SLC30A9: variants seen among roughly 807,000 people sequenced by gnomAD.
SLC30A9 encodes solute carrier family 30 member 9.
SLC30A9 carries 58 observed loss-of-function variants against 87.5 expected under a neutral mutation model. That is an observed-to-expected ratio of 0.66 (90% CI 0.54 to 0.82). The LOEUF is 0.82. Among genes scored for constraint, SLC30A9 ranks in the 40% least tolerant of loss-of-function variants. The pLI is 0.00. For missense variants in SLC30A9, 557 were observed against 679.1 expected (o/e 0.82, Z 2.00); for synonymous variants, 234 against 233.0 (o/e 1.00, Z -0.04).
At chr4:42,064,413 T>TTA (rs1437736940) in intron 11 of SLC30A9, among the ~76,000 whole-genome samples, 2 of 151,996 alleles carry the variant, frequency 1.3e-5, no homozygotes, top group African/African-American at 4.8e-5. Context: ...TAATATCCTG[T>TTA]TATATCATGC....
intron 1 of SLC30A9, among the ~76,000 whole-genome samples, chr4:41,998,891 G>C (rs191943487): frequency 6.6e-6 from 1 of 152,160 alleles, no homozygotes; most frequent in Non-Finnish European, 1.5e-5. Context: ...GTAAATGTAT[G>C]TGCCATTTTC....
At chr4:42,067,625 A>G (rs1336835129) in intron 14 of SLC30A9, among the ~76,000 whole-genome samples, 1 of 152,218 alleles carries the variant, frequency 6.6e-6, no homozygotes, top group Non-Finnish European at 1.5e-5. Context: ...GTTCAACTTG[A>G]TTTTGTTATA....
intron 6 of SLC30A9, among the ~76,000 whole-genome samples, chr4:42,034,617 C>T (rs11725865): frequency 0.65 from 99,286 of 152,038 alleles, 36,911 homozygotes; most frequent in East Asian, 0.96. Flanking sequence ...TTTTTCAAGG[C>T]TAAATAATAC....
chr4:42,014,382 AAAAG>A (rs904372218), intron 2 of SLC30A9, among the ~76,000 whole-genome samples: 2 of 152,138 alleles, frequency 1.3e-5, no homozygotes, highest in African/African-American at 4.8e-5. Context: ...GTATATTCCC[AAAAG>A]AAAGGAAAAC....
chr4:42,001,581 G>A (rs1468055438), intron 1 of SLC30A9, 35 bp from the exon 2 acceptor site: 2 of 1,420,352 alleles, frequency 1.4e-6, no homozygotes, highest in East Asian at 2.4e-5. Context: ...CTAGGACTTG[G>A]TTTGAAATTA....
intron 6 of SLC30A9, chr4:42,029,154 G>A (rs1024583080): frequency 3.9e-5 from 14 of 359,244 alleles, no homozygotes; most frequent in Admixed American, 2.0e-4. Flanking sequence ...ACACGAGGGC[G>A]TGCCCCGAAG....
chr4:42,068,237 A>G (rs909357394), intron 14 of SLC30A9, among the ~76,000 whole-genome samples: 13 of 139,158 alleles, frequency 9.3e-5, no homozygotes, highest in Non-Finnish European at 1.8e-4. Context: ...TGCCATAGGA[A>G]CTTAACTCTT....
intron 2 of SLC30A9, among the ~76,000 whole-genome samples, chr4:42,004,185 CTTTG>C (rs974960163): frequency 1.3e-5 from 2 of 152,034 alleles, no homozygotes; most frequent in African/African-American, 4.8e-5. Flanking sequence ...GATATTATGC[CTTTG>C]TTTGTATATT....
Position 41,990,662 on chromosome 4 carries a change from G to A in SLC30A9, c.11G>A (p.Gly4Asp). ...CTCTGCCCCACCAGGATGTTACCCG[G>A]CTTGGCCGCCGCCGCGGCCCACAGA... MLP[G>D]LAAAAAHRCS... The change falls in exon 1 of 18, where the codon GGC becomes GAC. Residue 4 changes from glycine (G) to aspartate (D), a missense_variant. Transcript: ENST00000264451. 2 of 1,606,604 alleles carry A rather than the reference G, an allele frequency of 1.2e-6. No individual in the cohort carries two copies. The highest frequency in any genetic ancestry group is 1.7e-6 in the Non-Finnish European group (2 of 1,175,478).
chr4:41,994,580 T>C (rs1374343082), intron 1 of SLC30A9, among the ~76,000 whole-genome samples: 1 of 151,874 alleles, frequency 6.6e-6, no homozygotes, highest in African/African-American at 2.4e-5. Context: ...TCTGCTAGTA[T>C]TTATTGTCAT....
chr4:42,039,809 C>A (rs1458170506), intron 8 of SLC30A9, among the ~76,000 whole-genome samples: 1 of 152,018 alleles, frequency 6.6e-6, no homozygotes, highest in Non-Finnish European at 1.5e-5. Flanking sequence ...TTGTTTTGTT[C>A]ACCTTTTGTC....
In SLC30A9 at chr4:42,086,228, G is replaced by GT; in HGVS notation, c.*102_*103insT. Reference sequence around the variant, plus strand: ...CCTACACTGAAAGACTCAGTGCCATGCAGAAGCCTTTTTTTTAAGATGAAG... The same window carrying GT: ...CCTACACTGAAAGACTCAGTGCCATGTCAGAAGCCTTTTTTTTAAGATGAAG... On this transcript the variant is annotated 3_prime_UTR_variant, in exon 18 of 18. Transcript: ENST00000264451. 1 of 607,810 alleles carries GT rather than the reference G, an allele frequency of 1.6e-6. No homozygotes were observed. The highest frequency in any genetic ancestry group is 2.8e-6 in the Non-Finnish European group (1 of 356,606). 37.7% of individuals were successfully genotyped at this position (607,810 alleles called of 1,614,324 possible).
intron 6 of SLC30A9, among the ~76,000 whole-genome samples, chr4:42,026,418 C>T (rs1716192550): frequency 1.3e-5 from 2 of 152,068 alleles, no homozygotes; most frequent in South Asian, 4.1e-4. Context: ...AAGTAGAGAT[C>T]GATGTACTAG....
At chr4:42,068,540 C>T (rs1034648291) in intron 14 of SLC30A9, among the ~76,000 whole-genome samples, 4 of 152,198 alleles carry the variant, frequency 2.6e-5, no homozygotes, top group East Asian at 1.9e-4. Context: ...CCACCACGCC[C>T]GGCCGGAACT....
intron 17 of SLC30A9, among the ~76,000 whole-genome samples, chr4:42,083,375 A>T (rs1267279208): frequency 6.6e-6 from 1 of 152,210 alleles, no homozygotes; most frequent in Admixed American, 6.5e-5. Context: ...GTGGGTGAAA[A>T]TTTTAAATTG....
intron 11 of SLC30A9, among the ~76,000 whole-genome samples, chr4:42,064,919 CCT>C (rs541601090): frequency 3.3e-5 from 5 of 151,954 alleles, no homozygotes; most frequent in African/African-American, 9.6e-5. Flanking sequence ...TTGATACACC[CCT>C]GTCTAAAGCT....
At chr4:42,013,740 A>C (rs768097940) in intron 2 of SLC30A9, among the ~76,000 whole-genome samples, 1 of 152,226 alleles carries the variant, frequency 6.6e-6, no homozygotes, top group Non-Finnish European at 1.5e-5. Flanking sequence ...TACAAAAATC[A>C]AATCAAAATG....
chr4:42,008,206 A>G (rs113363826), intron 2 of SLC30A9, among the ~76,000 whole-genome samples: 12 of 152,280 alleles, frequency 7.9e-5, no homozygotes, highest in Non-Finnish European at 1.3e-4. Context: ...CCTTCTCCAC[A>G]TGGCTCAGCC....
intron 6 of SLC30A9, among the ~76,000 whole-genome samples, chr4:42,025,593 C>T (rs115513088): frequency 0.026 from 3,976 of 152,216 alleles, 75 homozygotes; most frequent in African/African-American, 0.043. Flanking sequence ...TTGGCATTTT[C>T]AAAAGTTTGA....
Sources: gnomAD v4.1 joint callset for allele counts (sites outside exome capture counted in the v4.1 genomes callset) on GRCh38, gnomAD v4.1.1 for gene constraint, MANE v1.5 for transcripts, NCBI Gene and HGNC (gene_info 2026-07-23, HGNC 2026-07-21) for gene names.